Variants in FOXN3 observed in about 807,000 individuals in gnomAD.
The protein encoded by FOXN3 is forkhead box protein N3.
FOXN3 carries 7 observed loss-of-function variants against 38.4 expected under a neutral mutation model. The observed-to-expected ratio is 0.18, with a 90% CI of 0.10 to 0.34. The LOEUF (loss-of-function observed/expected upper bound fraction) is 0.34, where lower values mean the gene tolerates loss of function less well. Among genes scored for constraint, FOXN3 ranks in the 10% least tolerant of loss-of-function variants. FOXN3 has a pLI of 1.00. For synonymous variants in FOXN3, 230 were observed against 242.2 expected, an observed-to-expected ratio of 0.95 and a Z score of 0.47; for missense variants, 456 against 613.4, an observed-to-expected ratio of 0.74 and a Z score of 2.71.
chr14:89,619,082 G>A (rs1896548101), exon 1 of FOXN3: 1 of 152,194 alleles, frequency 6.6e-6, no homozygotes, highest in Non-Finnish European at 1.5e-5. Context: ...GGGCTGCGGC[G>A]ACGCTGGACT....
intron 3 of FOXN3, among the ~76,000 whole-genome samples, chr14:89,344,774 G>A (rs888421558): frequency 6.6e-6 from 1 of 152,180 alleles, no homozygotes; most frequent in African/African-American, 2.4e-5. Context: ...TTCCTAAAAA[G>A]TTGGTGGGAA....
intron 2 of FOXN3, among the ~76,000 whole-genome samples, chr14:89,357,257 T>C (rs556354115): frequency 6.6e-6 from 1 of 152,250 alleles, no homozygotes; most frequent in East Asian, 1.9e-4. Context: ...TGAGCTATGA[T>C]TGTGCCACTG....
chr14:89,370,093 A>C (rs955342194), intron 2 of FOXN3, among the ~76,000 whole-genome samples: 73 of 152,192 alleles, frequency 4.8e-4, no homozygotes, highest in South Asian at 4.1e-4. Flanking sequence ...CGTTTTCTTT[A>C]ATTATTCATT....
In FOXN3 at chr14:89,204,091, AC is replaced by A. The variant is rs1566928481; in HGVS notation, c.746-23286del. ...CACACACACACACACACACACACAC[AC>A]ACACACACACAACTACTACTACAAC... On this transcript the variant is annotated intron_variant, in intron 4 of 5. Transcript: ENST00000557258. Among the ~76,000 whole-genome samples, 177 of 144,740 alleles carry A rather than the reference AC, an allele frequency of 1.2e-3. 1 individual carries two copies. The highest frequency in any genetic ancestry group is 4.7e-3 in the African/African-American group (169 of 36,086). 95.0% of individuals were successfully genotyped at this position (144,740 alleles called of 152,430 possible).
intron 5 of FOXN3, among the ~76,000 whole-genome samples, chr14:89,172,313 C>T (rs561816300): frequency 2.6e-5 from 4 of 152,242 alleles, no homozygotes; most frequent in South Asian, 2.1e-4. Flanking sequence ...CTCAAACTCC[C>T]GGGCTTTAAG....
intron 1 of FOXN3, among the ~76,000 whole-genome samples, chr14:89,510,389 C>G (rs1207087020): frequency 1.7e-4 from 26 of 152,204 alleles, no homozygotes; most frequent in Admixed American, 1.7e-3. Context: ...CAGAGAAAGT[C>G]AGATCTGCCA....
chr14:89,377,834 AC>A (rs1426053059), intron 2 of FOXN3, among the ~76,000 whole-genome samples: 1 of 152,230 alleles, frequency 6.6e-6, no homozygotes, highest in African/African-American at 2.4e-5. Context: ...AGGGTCTTAA[AC>A]AAGTAATTGG....
intron 1 of FOXN3, among the ~76,000 whole-genome samples, chr14:89,572,068 G>C (rs1308116973): frequency 1.3e-5 from 2 of 152,158 alleles, no homozygotes; most frequent in African/African-American, 2.4e-5. Flanking sequence ...TCCAAGTTTA[G>C]AACTCTTTCC....
intron 1 of FOXN3, among the ~76,000 whole-genome samples, chr14:89,526,093 T>G (rs555829303): frequency 6.8e-6 from 1 of 146,254 alleles, no homozygotes; most frequent in African/African-American, 2.5e-5. Context: ...TAAAACCTGT[T>G]ATCAAACTAG....
intron 4 of FOXN3, among the ~76,000 whole-genome samples, chr14:89,225,367 G>A (rs1316075787): frequency 1.3e-5 from 2 of 151,850 alleles, no homozygotes; most frequent in Non-Finnish European, 2.9e-5. Context: ...CACTTTGGGA[G>A]GCTGAGGCAG....
intron 4 of FOXN3, among the ~76,000 whole-genome samples, chr14:89,241,313 C>T (rs1205457342): frequency 1.3e-5 from 2 of 152,202 alleles, no homozygotes; most frequent in African/African-American, 4.8e-5. Flanking sequence ...AGCAAATTTT[C>T]CATTTCAGGC....
chr14:89,476,746 C>T (rs1893218464), intron 1 of FOXN3, among the ~76,000 whole-genome samples: 3 of 152,200 alleles, frequency 2.0e-5, no homozygotes, highest in Admixed American at 1.3e-4. Context: ...GTGCTGAAGA[C>T]CGATGCCTGT....
intron 4 of FOXN3, among the ~76,000 whole-genome samples, chr14:89,269,767 T>C (rs1238945241): frequency 1.3e-5 from 2 of 152,094 alleles, no homozygotes; most frequent in African/African-American, 2.4e-5. Context: ...TTACTGAACA[T>C]ACTTCCTTTG....
chr14:89,363,965 T>TATATATATATATA (rs1215508772), intron 2 of FOXN3, among the ~76,000 whole-genome samples: 2 of 39,596 alleles, frequency 5.1e-5, no homozygotes, highest in East Asian at 1.6e-3. Context: ...TATATATATA[T>TATATATATATATA]ATATATATAT....
chr14:89,524,936 A>G (rs1894404740), intron 1 of FOXN3, among the ~76,000 whole-genome samples: 1 of 152,094 alleles, frequency 6.6e-6, no homozygotes, highest in African/African-American at 2.4e-5. Context: ...GCTCCTCTCT[A>G]CCCCAAAAAC....
intron 1 of FOXN3, among the ~76,000 whole-genome samples, chr14:89,475,841 C>A (rs1029474061): frequency 6.6e-6 from 1 of 152,122 alleles, no homozygotes; most frequent in South Asian, 2.1e-4. Flanking sequence ...TGGTACTACC[C>A]GATTCTTCAC....
intron 4 of FOXN3, among the ~76,000 whole-genome samples, chr14:89,264,833 T>G (rs1885920667): frequency 1.3e-5 from 2 of 152,192 alleles, no homozygotes; most frequent in South Asian, 4.2e-4. Context: ...GCAGCTATCT[T>G]CATCATCAAA....
intron 2 of FOXN3, among the ~76,000 whole-genome samples, chr14:89,373,566 C>T (rs933216284): frequency 6.6e-6 from 1 of 152,158 alleles, no homozygotes; most frequent in African/African-American, 2.4e-5. Flanking sequence ...GACCATTTTA[C>T]ATTTATTTGT....
chr14:89,480,720 C>A (rs1893309016), intron 1 of FOXN3, among the ~76,000 whole-genome samples: 1 of 152,120 alleles, frequency 6.6e-6, no homozygotes, highest in Non-Finnish European at 1.5e-5. Context: ...TTATTTGGTT[C>A]CCAGAACACA....
Sources: gnomAD v4.1 joint callset for allele counts (sites outside exome capture counted in the v4.1 genomes callset) on GRCh38, gnomAD v4.1.1 for gene constraint, MANE v1.5 for transcripts, NCBI Gene and HGNC (gene_info 2026-07-23, HGNC 2026-07-21) for gene names.